Variants in SLC25A26 observed in about 807,000 individuals in gnomAD.
SLC25A26 encodes the protein mitochondrial S-adenosylmethionine carrier protein.
A neutral mutation model predicts 37.8 loss-of-function variants in SLC25A26; 36 were observed. The observed-to-expected ratio is 0.95, with a 90% CI of 0.73 to 1.26. SLC25A26 has a LOEUF of 1.26. Ranked by LOEUF, SLC25A26 falls within the 50% of genes most tolerant of loss-of-function variation. The pLI is 0.00. For synonymous variants in SLC25A26, 129 were observed against 122.5 expected, an observed-to-expected ratio of 1.05 and a Z score of -0.35; for missense variants, 390 against 331.1, an observed-to-expected ratio of 1.18 and a Z score of -1.38.
intron 1 of SLC25A26, among the ~76,000 whole-genome samples, chr3:66,181,881 G>A (rs1045811058): frequency 3.7e-4 from 48 of 131,416 alleles, no homozygotes; most frequent in African/African-American, 1.2e-3. Context: ...CTTTTCTCTT[G>A]TTCGTTTGGA....
At chr3:66,300,243 G>GTTT (rs1395905357) in intron 5 of SLC25A26, among the ~76,000 whole-genome samples, 23 of 113,448 alleles carry the variant, frequency 2.0e-4, no homozygotes, top group African/African-American at 5.4e-4. Flanking sequence ...CTAGGCTAGG[G>GTTT]TTTTTTTGTT....
chr3:66,244,020 TC>T (rs1211163460), intron 3 of SLC25A26, among the ~76,000 whole-genome samples: 1 of 152,096 alleles, frequency 6.6e-6, no homozygotes, highest in East Asian at 1.9e-4. Flanking sequence ...CATCTTTCCT[TC>T]CCTGTTGCCT....
At chr3:66,267,577 C>G (rs369352528) in intron 5 of SLC25A26, among the ~76,000 whole-genome samples, 5 of 152,170 alleles carry the variant, frequency 3.3e-5, no homozygotes, top group African/African-American at 1.2e-4. Context: ...AGGTGAGAAG[C>G]TGGTTGGAGC....
At chr3:66,374,905 T>C (rs1700558236) in intron 9 of SLC25A26, among the ~76,000 whole-genome samples, 1 of 151,410 alleles carries the variant, frequency 6.6e-6, no homozygotes, top group Admixed American at 6.6e-5. Flanking sequence ...TAATTAAAAA[T>C]AAAAGCTGGA....
At chr3:66,333,482 T>C (rs2076024028) in intron 5 of SLC25A26, among the ~76,000 whole-genome samples, 1 of 152,248 alleles carries the variant, frequency 6.6e-6, no homozygotes, top group South Asian at 2.1e-4. Context: ...AGCTTCTCTC[T>C]GCTGTAGTTA....
At chr3:66,373,126 G>A (rs1700442875) in intron 9 of SLC25A26, among the ~76,000 whole-genome samples, 1 of 152,146 alleles carries the variant, frequency 6.6e-6, no homozygotes, top group African/African-American at 2.4e-5. Context: ...ACCCCGGATG[G>A]CCCCTTTCTG....
chr3:66,327,850 T>C (rs2107668443), intron 5 of SLC25A26, among the ~76,000 whole-genome samples: 1 of 152,166 alleles, frequency 6.6e-6, no homozygotes, highest in East Asian at 1.9e-4. Flanking sequence ...TTTTAATGTC[T>C]GTTTCCAACA....
At chr3:66,351,076 G>A (rs1003191646) in intron 6 of SLC25A26, among the ~76,000 whole-genome samples, 3 of 152,108 alleles carry the variant, frequency 2.0e-5, no homozygotes, top group Middle Eastern at 3.2e-3. Flanking sequence ...CAGCTCTGGT[G>A]CCTGTCTACT....
chr3:66,224,106 T>C (rs2071627361), intron 1 of SLC25A26, among the ~76,000 whole-genome samples: 1 of 152,176 alleles, frequency 6.6e-6, no homozygotes. Flanking sequence ...AGAAAAACAT[T>C]GCATGTATGT....
intron 1 of SLC25A26, among the ~76,000 whole-genome samples, chr3:66,221,427 TTAAA>T (rs1212680008): frequency 6.6e-6 from 1 of 152,220 alleles, no homozygotes; most frequent in African/African-American, 2.4e-5. Flanking sequence ...TACTCTTTCA[TTAAA>T]TAGTGTAACT....
intron 6 of SLC25A26, among the ~76,000 whole-genome samples, chr3:66,346,968 C>T (rs1181496171): frequency 6.6e-6 from 1 of 151,842 alleles, no homozygotes; most frequent in East Asian, 1.9e-4. Flanking sequence ...AGGGAAGGAG[C>T]AGAGTGTGGT....
At chr3:66,204,325 C>T (rs1305700355) in intron 1 of SLC25A26, among the ~76,000 whole-genome samples, 1 of 146,644 alleles carries the variant, frequency 6.8e-6, no homozygotes, top group East Asian at 2.1e-4. Context: ...ACTCGGGAGG[C>T]TGAGGCAGGA....
chr3:66,177,390 C>T (rs911074483), intron 1 of SLC25A26, among the ~76,000 whole-genome samples: 1 of 152,180 alleles, frequency 6.6e-6, no homozygotes, highest in Non-Finnish European at 1.5e-5. Flanking sequence ...TGGAGTTTTG[C>T]ACATAAAGAG....
In SLC25A26 at chr3:66,362,914, TG is replaced by T; in HGVS notation, c.554del (p.Cys185LeufsTer16). The stretch of plus-strand genomic sequence containing the variant: ...GGTGGATTCTTGGCAGTCAGCAGTC[TG>T]TGGAGCTTTTGCAGGTGCAAAGGAT... ...HVVDSWQSAV[C>X]GAFAGGFAAA... On this transcript the variant is annotated frameshift_variant, in exon 7 of 10. Coordinates refer to ENST00000354883, the MANE Select transcript of SLC25A26 (RefSeq NM_001379210.1). LOFTEE classifies it high-confidence loss of function. 1 of 1,607,374 alleles carries T rather than the reference TG, an allele frequency of 6.2e-7. No individual in the cohort carries two copies. Among genetic ancestry groups the T allele is most frequent in the Non-Finnish European group, 8.5e-7 (1 of 1,176,594 alleles).
At chr3:66,349,825 G>GT (rs2076409154) in intron 6 of SLC25A26, among the ~76,000 whole-genome samples, 1 of 152,160 alleles carries the variant, frequency 6.6e-6, no homozygotes, top group Admixed American at 6.5e-5. Context: ...CCCACCAACA[G>GT]TGTATGAGAG....
At chr3:66,159,980 G>A (rs547427779) in intron 1 of SLC25A26, among the ~76,000 whole-genome samples, 6 of 152,192 alleles carry the variant, frequency 3.9e-5, no homozygotes, top group African/African-American at 9.6e-5. Flanking sequence ...GACCTGCGCT[G>A]CATTAATAAA....
chr3:66,148,750 A>G (rs1408178955), intron 1 of SLC25A26, among the ~76,000 whole-genome samples: 1 of 152,092 alleles, frequency 6.6e-6, no homozygotes, highest in African/African-American at 2.4e-5. Context: ...ATCTTCTAAA[A>G]TGTAGAGATG....
Position 66,340,118 on chromosome 3 carries a change from C to T in SLC25A26, c.454-6246C>T, listed in dbSNP as rs9835469. Among the ~76,000 whole-genome samples the T allele has an allele frequency of 6.4e-3, 973 of 152,112 alleles. 8 individuals carry two copies. The highest frequency in any genetic ancestry group is 0.022 in the African/African-American group (911 of 41,530). On this transcript the variant is annotated intron_variant, in intron 5 of 9. Transcript: ENST00000354883. Reference sequence around the variant, plus strand: ...TCGTTTGTTGAAAAGATTGTCCTTTCGCTGTTGAATGGTCTGGCACCCTTT... The same window carrying T: ...TCGTTTGTTGAAAAGATTGTCCTTTTGCTGTTGAATGGTCTGGCACCCTTT...
rs1462438235 is a variant in SLC25A26 at position 66,243,312 on chromosome 3, GGTAA to G, written c.300+5_300+8del. ...TGTTGGCTGCCTCTGCTGGAGAAGT[GGTAA>G]GTAACAAGTTTTGTGTATAAAATAC... On this transcript the variant is annotated splice_donor_variant and splice_donor_region_variant and intron_variant, in intron 3 of 9. Coordinates refer to ENST00000354883, the MANE Select transcript of SLC25A26 (RefSeq NM_001379210.1). LOFTEE classifies it high-confidence loss of function. The G allele has an allele frequency of 1.9e-6, 3 of 1,539,336 alleles. No homozygotes were observed. The highest frequency in any genetic ancestry group is 1.7e-5 in the Admixed American group (1 of 58,966).
Sources: gnomAD v4.1 joint callset for allele counts (sites outside exome capture counted in the v4.1 genomes callset) on GRCh38, gnomAD v4.1.1 for gene constraint, MANE v1.5 for transcripts, NCBI Gene and HGNC (gene_info 2026-07-23, HGNC 2026-07-21) for gene names.